The following ZFAND3 variants were observed in gnomAD, a reference collection of about 807,000 sequenced individuals.
ZFAND3 encodes AN1-type zinc finger protein 3.
Under a neutral mutation model 29.6 loss-of-function variants are expected in ZFAND3, and 10 were observed. The ratio of observed to expected loss-of-function variants is 0.34; its 90% CI spans 0.21 to 0.57. The LOEUF is 0.57. Among genes scored for constraint, ZFAND3 ranks in the 20% least tolerant of loss-of-function variants. ZFAND3 has a pLI of 0.86. For missense variants in ZFAND3, 230 were observed against 304.5 expected (o/e 0.76, Z 1.82); for synonymous variants, 128 against 112.6 (o/e 1.14, Z -0.87).
intron 1 of ZFAND3, among the ~76,000 whole-genome samples, chr6:37,912,030 CTGTG>C (rs59017250): frequency 0.23 from 31,855 of 139,586 alleles, 3,875 homozygotes; most frequent in East Asian, 0.5. Flanking sequence ...AGTCTTTTAT[CTGTG>C]TGTGTGTGTG....
chr6:37,948,660 C>T (rs970480875), intron 2 of ZFAND3, among the ~76,000 whole-genome samples: 2 of 152,162 alleles, frequency 1.3e-5, no homozygotes, highest in Non-Finnish European at 2.9e-5. Flanking sequence ...GCCTTGTATC[C>T]ATGTGTACTT....
At chr6:37,936,557 G>A (rs760702163) in intron 2 of ZFAND3, among the ~76,000 whole-genome samples, 4 of 152,142 alleles carry the variant, frequency 2.6e-5, no homozygotes, top group Non-Finnish European at 4.4e-5. Flanking sequence ...TAAACATACT[G>A]TTTCATTTAA....
rs1764515851 is a variant in ZFAND3 at position 37,862,724 on chromosome 6, A to G, written c.71+42708A>G. Among the ~76,000 whole-genome samples the G allele has an allele frequency of 4.3e-5, 6 of 140,254 alleles. No individual in the cohort carries two copies. The Admixed American group carries it at 4.3e-4, about 10-fold the overall frequency. 92.0% of individuals were successfully genotyped at this position (140,254 alleles called of 152,430 possible). A position where few individuals can be genotyped will look rare whatever the true frequency, so the allele number is the denominator to read the frequency against. ...GTCTCTAAAAAAAACAAAACAAAAC[A>G]AAAAAAAAACAAAGTGCCCTGGGCC... is the stretch of plus-strand genomic sequence containing the variant. On this transcript the variant is annotated intron_variant, in intron 1 of 5. Transcript: ENST00000287218.
At chr6:38,019,838 C>T (rs1179615323) in intron 2 of ZFAND3, among the ~76,000 whole-genome samples, 2 of 152,224 alleles carry the variant, frequency 1.3e-5, no homozygotes, top group Non-Finnish European at 2.9e-5. Flanking sequence ...TTTCCTGCCT[C>T]GGCCTCCCAA....
chr6:37,919,685 C>T (rs1158299475), intron 1 of ZFAND3, among the ~76,000 whole-genome samples: 1 of 152,210 alleles, frequency 6.6e-6, no homozygotes. Context: ...AAGGCTGTTA[C>T]TGCATTGCTT....
At chr6:37,996,975 C>G (rs1334793648) in intron 2 of ZFAND3, among the ~76,000 whole-genome samples, 1 of 152,080 alleles carries the variant, frequency 6.6e-6, no homozygotes, top group Non-Finnish European at 1.5e-5. Context: ...TATTTTTCTT[C>G]TCTTGAATTA....
chr6:38,104,416 A>G (rs2127479483), intron 4 of ZFAND3, among the ~76,000 whole-genome samples: 1 of 152,238 alleles, frequency 6.6e-6, no homozygotes, highest in South Asian at 2.1e-4. Context: ...TCAAATGAAA[A>G]TACCTAGGTT....
chr6:38,064,120 A>G (rs1764296152), intron 3 of ZFAND3, among the ~76,000 whole-genome samples: 1 of 152,222 alleles, frequency 6.6e-6, no homozygotes, highest in Non-Finnish European at 1.5e-5. Flanking sequence ...TTTGCATAAA[A>G]TTTCTCTACA....
At chr6:37,909,038 G>A (rs1765469692) in intron 1 of ZFAND3, among the ~76,000 whole-genome samples, 2 of 152,072 alleles carry the variant, frequency 1.3e-5, no homozygotes, top group African/African-American at 4.8e-5. Flanking sequence ...ATGTCTCATT[G>A]ACTTGTTACA....
intron 1 of ZFAND3, among the ~76,000 whole-genome samples, chr6:37,915,037 TC>T (rs1007819941): frequency 3.9e-5 from 6 of 152,232 alleles, no homozygotes; most frequent in Admixed American, 3.9e-4. Context: ...GTAGCTACCT[TC>T]ATTTTAGCTA....
chr6:37,887,200 T>C (rs1399953311), intron 1 of ZFAND3, among the ~76,000 whole-genome samples: 1 of 152,214 alleles, frequency 6.6e-6, no homozygotes, highest in Non-Finnish European at 1.5e-5. Context: ...AATTTTGCTC[T>C]TGGATTTGAA....
At chr6:37,855,663 A>G (rs1257690672) in intron 1 of ZFAND3, among the ~76,000 whole-genome samples, 1 of 152,152 alleles carries the variant, frequency 6.6e-6, no homozygotes, top group Non-Finnish European at 1.5e-5. Flanking sequence ...TACTCTCTCT[A>G]GTATCTTTTC....
chr6:37,845,542 A>G (rs949222561), intron 1 of ZFAND3, among the ~76,000 whole-genome samples: 1 of 152,218 alleles, frequency 6.6e-6, no homozygotes, highest in Non-Finnish European at 1.5e-5. Context: ...AAGCATGTAT[A>G]GCTTAATCTT....
intron 1 of ZFAND3, among the ~76,000 whole-genome samples, chr6:37,914,672 C>CTTTCTTTTTTTTTTTTT (rs1554157840): frequency 1.8e-5 from 2 of 114,210 alleles, no homozygotes; most frequent in African/African-American, 3.6e-5. Context: ...CTTTTTTTTT[C>CTTTCTTTTTTTTTTTTT]TTTTTTTTTT....
chr6:38,116,493 A>G, intron 4 of ZFAND3, 79 bp from the exon 5 acceptor site: 1 of 1,498,272 alleles, frequency 6.7e-7, no homozygotes, highest in Non-Finnish European at 9.1e-7. Flanking sequence ...GGTCAGGAGA[A>G]TGCCTGGAAA....
intron 4 of ZFAND3, among the ~76,000 whole-genome samples, chr6:38,105,049 A>G (rs1161093554): frequency 1.3e-5 from 2 of 152,190 alleles, no homozygotes; most frequent in African/African-American, 2.4e-5. Context: ...CAGTTTCCTC[A>G]TGTGTGAAAT....
chr6:37,921,882 C>CA (rs778118350), intron 1 of ZFAND3, among the ~76,000 whole-genome samples: 23,363 of 87,408 alleles, frequency 0.27, 2,178 homozygotes, highest in East Asian at 0.42. Flanking sequence ...CCCATCTCTG[C>CA]AAAAAAAAAA....
chr6:38,083,954 A>G (rs1239070162), intron 4 of ZFAND3, among the ~76,000 whole-genome samples: 2 of 152,140 alleles, frequency 1.3e-5, no homozygotes, highest in Admixed American at 1.3e-4. Context: ...ATACATGGTA[A>G]TTTAATTTTC....
intron 3 of ZFAND3, among the ~76,000 whole-genome samples, chr6:38,069,039 A>G (rs771694459): frequency 1.3e-5 from 2 of 152,186 alleles, no homozygotes; most frequent in Non-Finnish European, 2.9e-5. Context: ...TTGGCTACAT[A>G]TCTTCATTTC....
Sources: gnomAD v4.1 joint callset for allele counts (sites outside exome capture counted in the v4.1 genomes callset) on GRCh38, gnomAD v4.1.1 for gene constraint, MANE v1.5 for transcripts, NCBI Gene and HGNC (gene_info 2026-07-23, HGNC 2026-07-21) for gene names.